The following ZFHX3 variants were observed in gnomAD, a reference collection of about 807,000 sequenced individuals.
ZFHX3 encodes zinc finger homeobox 3.
Under a neutral mutation model 279.1 loss-of-function variants are expected in ZFHX3, and 42 were observed. The ratio of observed to expected loss-of-function variants is 0.15; its 90% CI spans 0.12 to 0.19. The LOEUF is 0.19. ZFHX3 is among the 10% of genes least tolerant of loss of function. The probability of loss-of-function intolerance (pLI) is 1.00; values close to 1 mark genes in which losing one functional copy is unlikely to be tolerated. For missense variants in ZFHX3, 4,981 were observed against 4,754.0 expected (o/e 1.05, Z -1.40); for synonymous variants, 2,293 against 1,957.8 (o/e 1.17, Z -4.52).
intron 2 of ZFHX3, among the ~76,000 whole-genome samples, chr16:73,493,657 G>C (rs1192041387): frequency 1.3e-5 from 2 of 152,156 alleles, no homozygotes; most frequent in African/African-American, 2.4e-5. Context: ...TGAGCTCCTA[G>C]GGTCAACCTG....
chr16:73,715,431 G>T (rs2053404885), intron 1 of ZFHX3, among the ~76,000 whole-genome samples: 1 of 152,032 alleles, frequency 6.6e-6, no homozygotes, highest in Non-Finnish European at 1.5e-5. Flanking sequence ...ACTTCATGCT[G>T]GCAATGGATT....
chr16:73,891,021 TC>T (rs138449323), intron 1 of ZFHX3, among the ~76,000 whole-genome samples: 1 of 52,280 alleles, frequency 1.9e-5, no homozygotes, highest in African/African-American at 5.3e-5. Context: ...ACCTCGCCGC[TC>T]CCCCCCTCCA....
chr16:73,232,111 C>T (rs2012793692), intron 5 of ZFHX3: 5 of 152,144 alleles, frequency 3.3e-5, no homozygotes, highest in African/African-American at 7.2e-5. Flanking sequence ...TACAGGACCC[C>T]CTCCTCACAC....
At chr16:73,117,430 T>G (rs554287014) in intron 7 of ZFHX3, among the ~76,000 whole-genome samples, 67 of 152,300 alleles carry the variant, frequency 4.4e-4, no homozygotes, top group Middle Eastern at 3.4e-3. Flanking sequence ...AGTAGACAGG[T>G]GAAGCATAGA....
chr16:73,352,229 C>T (rs1385951723), intron 3 of ZFHX3, among the ~76,000 whole-genome samples: 4 of 152,162 alleles, frequency 2.6e-5, no homozygotes, highest in Admixed American at 2.6e-4. Context: ...CTCCTGACAC[C>T]CAGTGCACTG....
intron 3 of ZFHX3, among the ~76,000 whole-genome samples, chr16:73,396,353 T>A (rs538097555): frequency 1.3e-5 from 2 of 152,320 alleles, no homozygotes; most frequent in South Asian, 4.1e-4. Context: ...CCTCCTAACC[T>A]CCTTCTGCAG....
rs144500873 is a variant in ZFHX3 at position 73,032,197 on chromosome 16, G to A, written c.-50+15555C>T. On this transcript the variant is annotated intron_variant, in intron 1 of 9. Transcript: ENST00000268489. ...CTACAGTCCGAGCTACTCGGGTTGCGGGACTGAGGTGGGAGGATCGCTTGA... is the reference window on the plus strand; with the variant it reads ...CTACAGTCCGAGCTACTCGGGTTGCAGGACTGAGGTGGGAGGATCGCTTGA... 1.4e-3 allele frequency among the ~76,000 whole-genome samples: 216 copies of A among 152,222 alleles called. 1 individual carries two copies. Among genetic ancestry groups the A allele is most frequent in the Middle Eastern group, 0.01 (3 of 294 alleles).
intron 7 of ZFHX3, chr16:73,127,731 G>T (rs532357849): frequency 3.8e-6 from 3 of 798,538 alleles, no homozygotes; most frequent in Non-Finnish European, 5.1e-6. Flanking sequence ...ACTAATGGCT[G>T]CAGAGAAAGT....
chr16:72,848,873 C>A (rs2037542555), intron 4 of ZFHX3, among the ~76,000 whole-genome samples: 1 of 152,110 alleles, frequency 6.6e-6, no homozygotes, highest in South Asian at 2.1e-4. Flanking sequence ...GCTGCCACGG[C>A]TGGAGCTGGC....
intron 8 of ZFHX3, among the ~76,000 whole-genome samples, chr16:73,091,126 G>T (rs1456175086): frequency 4.0e-5 from 6 of 151,246 alleles, no homozygotes; most frequent in African/African-American, 1.2e-4. Context: ...CAAAAGAATG[G>T]CATGAACCCG....
At chr16:73,861,934 C>G (rs539429739) in intron 1 of ZFHX3, among the ~76,000 whole-genome samples, 1 of 152,210 alleles carries the variant, frequency 6.6e-6, no homozygotes, top group South Asian at 2.1e-4. Context: ...GTCGAGAGGA[C>G]TTCTGCAGTC....
At chr16:73,490,619 C>G (rs1028647415) in intron 2 of ZFHX3, among the ~76,000 whole-genome samples, 3 of 152,146 alleles carry the variant, frequency 2.0e-5, no homozygotes, top group African/African-American at 7.2e-5. Context: ...AGGCAGATAG[C>G]TCGAGCCCAG....
intron 5 of ZFHX3, among the ~76,000 whole-genome samples, chr16:73,252,271 A>G (rs1290207490): frequency 6.6e-6 from 1 of 152,210 alleles, no homozygotes; most frequent in Non-Finnish European, 1.5e-5. Context: ...TGGAAGAAGA[A>G]AAGACTTGAG....
At chr16:73,290,133 G>A (rs1380295703) in intron 4 of ZFHX3, among the ~76,000 whole-genome samples, 2 of 152,034 alleles carry the variant, frequency 1.3e-5, no homozygotes, top group African/African-American at 2.4e-5. Flanking sequence ...TTGAGTGCTC[G>A]CCATATTCCC....
At chr16:73,462,843 C>G (rs2018495629) in intron 2 of ZFHX3, among the ~76,000 whole-genome samples, 2 of 152,026 alleles carry the variant, frequency 1.3e-5, no homozygotes, top group Non-Finnish European at 2.9e-5. Flanking sequence ...ATTTTTGCCT[C>G]TATGTTCATG....
intron 2 of ZFHX3, among the ~76,000 whole-genome samples, chr16:73,528,725 T>C (rs2019738674): frequency 6.6e-6 from 1 of 152,228 alleles, no homozygotes; most frequent in Non-Finnish European, 1.5e-5. Flanking sequence ...CCATAGCCTC[T>C]TGTTCAGTCT....
chr16:73,054,859 T>C (rs999465274), intron 1 of ZFHX3, among the ~76,000 whole-genome samples: 1 of 152,136 alleles, frequency 6.6e-6, no homozygotes, highest in Non-Finnish European at 1.5e-5. Context: ...TGATAACATA[T>C]TGTGTAACTG....
At chr16:73,240,439 G>A (rs985605791) in intron 5 of ZFHX3, among the ~76,000 whole-genome samples, 2 of 151,960 alleles carry the variant, frequency 1.3e-5, no homozygotes, top group African/African-American at 4.8e-5. Context: ...GTCTGATCTC[G>A]AACTCCTGAC....
At chr16:73,458,612 C>T (rs907486344) in intron 2 of ZFHX3, among the ~76,000 whole-genome samples, 3 of 152,112 alleles carry the variant, frequency 2.0e-5, no homozygotes, top group African/African-American at 7.2e-5. Flanking sequence ...CTCACCTCGG[C>T]TTACACCTGA....
Sources: allele counts gnomAD v4.1 joint callset (sites outside exome capture counted in the v4.1 genomes callset), GRCh38; gene constraint gnomAD v4.1.1; transcripts MANE v1.5; gene names NCBI Gene and HGNC (gene_info 2026-07-23, HGNC 2026-07-21).